FAM13C: variants seen among roughly 807,000 people sequenced by gnomAD.
The protein encoded by FAM13C is family with sequence similarity 13 member C, also known as protein FAM13C.
Under a neutral mutation model 73.2 loss-of-function variants are expected in FAM13C, and 37 were observed. The observed-to-expected ratio is 0.51, with a 90% CI of 0.39 to 0.67. FAM13C has a LOEUF of 0.67. Ranked by LOEUF, FAM13C falls within the 30% of genes least tolerant of loss-of-function variation. The pLI, the probability that FAM13C is intolerant of heterozygous loss-of-function variation, is 0.00. For synonymous variants in FAM13C, 246 were observed against 260.9 expected, an observed-to-expected ratio of 0.94 and a Z score of 0.55; for missense variants, 589 against 715.6, an observed-to-expected ratio of 0.82 and a Z score of 2.02.
rs1400587690 is a variant in FAM13C, at chr10:59,252,972, G to T, written c.1359C>A (p.Asp453Glu). The T allele has an allele frequency of 6.2e-7, 1 of 1,613,680 alleles. No individual in the cohort carries two copies. Among genetic ancestry groups the T allele is most frequent in the Admixed American group, 1.7e-5 (1 of 60,006 alleles). ...TIQEEEDSDE[D>E]RPQGSQQPSL... is the part of the protein sequence containing the mutation. ...AAGGTTGTTGGCTTCCCTGTGGACG[G>T]TCTTCATCAGAGTCCTCTTCCTCCT... Residue 453 changes from aspartate to glutamate, a missense_variant, in exon 12 of 14, where the codon GAC becomes GAA. Coordinates refer to ENST00000618804, the MANE Select transcript of FAM13C (RefSeq NM_198215.4).
chr10:59,249,089 G>A (rs1361368401), intron 13 of FAM13C, among the ~76,000 whole-genome samples: 3 of 152,084 alleles, frequency 2.0e-5, no homozygotes, highest in Admixed American at 2.0e-4. Flanking sequence ...CCGTAGTTTT[G>A]CATATTCCAT....
intron 5 of FAM13C, among the ~76,000 whole-genome samples, chr10:59,293,328 G>A (rs1288746765): frequency 3.3e-5 from 5 of 151,782 alleles, no homozygotes; most frequent in African/African-American, 4.8e-5. Context: ...CACCCGCCTC[G>A]GCCTCCCAAA....
At chr10:59,355,707 G>A (rs1360945779) in intron 2 of FAM13C, among the ~76,000 whole-genome samples, 180 bp downstream of exon 2, 1 of 152,144 alleles carries the variant, frequency 6.6e-6, no homozygotes, top group African/African-American at 2.4e-5. Context: ...TGCTAAGAGG[G>A]TGGTATCCAA....
Position 59,362,482 on chromosome 10 carries a change from C to T in FAM13C, c.-22G>A, listed in dbSNP as rs1329422016. The T allele has an allele frequency of 5.6e-6, 9 of 1,610,760 alleles. No individual in the cohort carries two copies. The highest frequency in any genetic ancestry group is 6.8e-6 in the Non-Finnish European group (8 of 1,178,454). On this transcript the variant is annotated 5_prime_UTR_variant, in exon 1 of 14. Coordinates refer to ENST00000618804, the MANE Select transcript of FAM13C (RefSeq NM_198215.4). ...ACATCAGCCAAGTCTGGCCGGGGAG[C>T]CGTCTCCCTGATTGCTCTCCGGGAG...
intron 1 of FAM13C, among the ~76,000 whole-genome samples, chr10:59,361,808 G>C (rs970956377): frequency 3.9e-5 from 6 of 152,148 alleles, no homozygotes; most frequent in African/African-American, 1.4e-4. Context: ...CATGTTTGAA[G>C]GGTGTTAGTT....
chr10:59,346,319 G>A (rs1854287724), intron 3 of FAM13C, among the ~76,000 whole-genome samples: 1 of 152,104 alleles, frequency 6.6e-6, no homozygotes, highest in Non-Finnish European at 1.5e-5. Flanking sequence ...TTATAGTTAG[G>A]TTATTTTGCC....
At chr10:59,272,672 C>A (rs1239004812) in intron 6 of FAM13C, among the ~76,000 whole-genome samples, 1 of 152,150 alleles carries the variant, frequency 6.6e-6, no homozygotes, top group Non-Finnish European at 1.5e-5. Flanking sequence ...GTTTGGTGTG[C>A]CTATACTTTC....
rs1564550449 is a variant in FAM13C, at chr10:59,302,795, A to C, written c.507+6T>G. ...TGTTCTTATAACCAGTAATGATTGC[A>C]CGTACCTCATTTAAGTCCTGCCGAG... is the stretch of plus-strand genomic sequence containing the variant. On this transcript the variant is annotated splice_donor_region_variant and intron_variant, in intron 5 of 13. Coordinates refer to ENST00000618804, the MANE Select transcript of FAM13C (RefSeq NM_198215.4). The C allele has an allele frequency of 1.2e-6, 2 of 1,613,432 alleles. No homozygotes were observed. The highest frequency in any genetic ancestry group is 2.7e-5 in the African/African-American group (2 of 74,932).
rs184820976 is a variant in FAM13C, at chr10:59,336,458, G to T, written c.325-12352C>A. Among the ~76,000 whole-genome samples the T allele has an allele frequency of 3.2e-4, 48 of 152,164 alleles. No homozygotes were observed. In the East Asian group the frequency reaches 9.1e-3, roughly 29 times the overall value. Reference sequence around the variant, plus strand: ...ACCACCACTATGACCACTGCTCACGGCTCAGATCTCATTTCTTGCTGCATT... The same window carrying T: ...ACCACCACTATGACCACTGCTCACGTCTCAGATCTCATTTCTTGCTGCATT... On this transcript the variant is annotated intron_variant, in intron 3 of 13. Coordinates refer to ENST00000618804, the MANE Select transcript of FAM13C (RefSeq NM_198215.4).
intron 3 of FAM13C, among the ~76,000 whole-genome samples, chr10:59,351,649 C>T (rs1855053643): frequency 6.6e-6 from 1 of 152,122 alleles, no homozygotes; most frequent in Admixed American, 6.5e-5. Context: ...TGAATGACAA[C>T]AGAGAGATCC....
intron 6 of FAM13C, among the ~76,000 whole-genome samples, chr10:59,280,494 A>G (rs530926525): frequency 2.6e-5 from 4 of 152,338 alleles, no homozygotes; most frequent in Admixed American, 2.6e-4. Context: ...GAGGTACAGC[A>G]GAGTCAGACA....
At chr10:59,310,775 C>T (rs920290761) in intron 4 of FAM13C, among the ~76,000 whole-genome samples, 1 of 152,170 alleles carries the variant, frequency 6.6e-6, no homozygotes, top group Non-Finnish European at 1.5e-5. Flanking sequence ...CTTCCCCAAC[C>T]ACCACCTCCC....
intron 3 of FAM13C, among the ~76,000 whole-genome samples, chr10:59,329,315 TTTTTTTTC>T (rs1223495159): frequency 1.3e-5 from 2 of 149,930 alleles, no homozygotes; most frequent in African/African-American, 4.9e-5. Flanking sequence ...CTGATTCCAT[TTTTTTTTC>T]TTTTTTTCTT....
intron 13 of FAM13C, 111 bp from the exon 14 acceptor site, chr10:59,247,848 T>C: frequency 2.0e-6 from 2 of 986,710 alleles, no homozygotes; most frequent in Non-Finnish European, 2.9e-6. Flanking sequence ...CACTTGGTTT[T>C]TGCATCATGT....
rs562071524 is a variant in FAM13C, at chr10:59,268,738, C to T, written c.804-47G>A. ...AGGAGTATCAAAAACAGTGGGCTTCCAGTAAACAGTTCTGTTGATCTACAA... is the reference window on the plus strand; with the variant it reads ...AGGAGTATCAAAAACAGTGGGCTTCTAGTAAACAGTTCTGTTGATCTACAA... On this transcript the variant is annotated intron_variant, in intron 7 of 13. Coordinates refer to ENST00000618804, the MANE Select transcript of FAM13C (RefSeq NM_198215.4). 2.1e-5 allele frequency: 33 copies of T among 1,591,538 alleles called. No homozygotes were observed. In the African/African-American group the frequency reaches 4.2e-4, roughly 20 times the overall value.
chr10:59,265,957 G>A (rs938951585), intron 8 of FAM13C, among the ~76,000 whole-genome samples: 12 of 152,186 alleles, frequency 7.9e-5, no homozygotes, highest in African/African-American at 2.7e-4. Flanking sequence ...CATAGGTTTA[G>A]ATTTTGTTCA....
chr10:59,268,261 A>G (rs1396390261), intron 8 of FAM13C, among the ~76,000 whole-genome samples: 2 of 152,136 alleles, frequency 1.3e-5, no homozygotes, highest in African/African-American at 4.8e-5. Context: ...ACCATAATTC[A>G]AAGCTTTCCA....
At position 59,302,725 on chromosome 10, in the gene FAM13C, T is replaced by C. The variant is rs74556596; in HGVS notation, c.507+76A>G. 1,747 of 1,353,194 alleles carry C rather than the reference T, an allele frequency of 1.3e-3. 15 individuals are homozygous for C. In the African/African-American group the frequency reaches 0.022, roughly 17 times the overall value. The allele number at this position is 1,353,194 out of a possible 1,614,324, so 83.8% of individuals were successfully genotyped here. A position where few individuals can be genotyped will look rare whatever the true frequency, so the allele number is the denominator to read the frequency against. ...CTAAGTTTTCATGAGAATGAATTCC[T>C]AGTACTGTGAAAAAGAATAGTAAAT... On this transcript the variant is annotated intron_variant, in intron 5 of 13. Coordinates refer to ENST00000618804, the MANE Select transcript of FAM13C (RefSeq NM_198215.4).
chr10:59,285,966 A>G (rs1845508368), intron 5 of FAM13C, among the ~76,000 whole-genome samples: 1 of 152,210 alleles, frequency 6.6e-6, no homozygotes, highest in Non-Finnish European at 1.5e-5. Context: ...CAAGTCTGAT[A>G]TTTGTTATGG....
Sources: allele counts gnomAD v4.1 joint callset (sites outside exome capture counted in the v4.1 genomes callset), GRCh38; gene constraint gnomAD v4.1.1; transcripts MANE v1.5; gene names NCBI Gene and HGNC (gene_info 2026-07-23, HGNC 2026-07-21).